MYO18B: variants seen among roughly 807,000 people sequenced by gnomAD.
The protein encoded by MYO18B is unconventional myosin-XVIIIb.
A neutral mutation model predicts 273.0 loss-of-function variants in MYO18B; 204 were observed. That is an observed-to-expected ratio of 0.75 (90% CI 0.67 to 0.84). The LOEUF (loss-of-function observed/expected upper bound fraction) is 0.84, where lower values mean the gene tolerates loss of function less well. Ranked by LOEUF, MYO18B falls within the 40% of genes least tolerant of loss-of-function variation. MYO18B has a pLI of 0.00. For synonymous variants in MYO18B, 1,330 were observed against 1,305.7 expected (o/e 1.02, Z -0.40); for missense variants, 3,212 against 3,287.6 (o/e 0.98, Z 0.56).
At chr22:25,950,702 G>A (rs961682208) in intron 37 of MYO18B, among the ~76,000 whole-genome samples, 9 of 152,094 alleles carry the variant, frequency 5.9e-5, no homozygotes, top group Non-Finnish European at 1.3e-4. Context: ...CTCCCAAGTA[G>A]CTGGGATTAC....
In MYO18B at chr22:25,947,789, G is replaced by A; in HGVS notation, c.5709G>A (p.Leu1903=). ...LKRIDEDQDD[L]NELMQKHKDL... Reference sequence around the variant, plus strand: ...GCATCGATGAGGACCAGGATGACCTGAATGAGCTGATGCAGAAGCACAAGG... The same window carrying A: ...GCATCGATGAGGACCAGGATGACCTAAATGAGCTGATGCAGAAGCACAAGG... Residue 1903 remains leucine, a synonymous_variant, in exon 36 of 44, where the codon CTG becomes CTA. Transcript: ENST00000335473. 2 of 1,613,920 alleles carry A rather than the reference G, an allele frequency of 1.2e-6. No individual in the cohort carries two copies. The highest frequency in any genetic ancestry group is 1.7e-6 in the Non-Finnish European group (2 of 1,179,876).
At chr22:25,806,050 T>C (rs2088459708) in intron 12 of MYO18B, among the ~76,000 whole-genome samples, 1 of 152,198 alleles carries the variant, frequency 6.6e-6, no homozygotes, top group South Asian at 2.1e-4. Flanking sequence ...TCTTGTCTGA[T>C]TCTGCTCATC....
intron 12 of MYO18B, among the ~76,000 whole-genome samples, chr22:25,801,988 A>C (rs1375658098): frequency 1.3e-5 from 2 of 152,136 alleles, no homozygotes; most frequent in Non-Finnish European, 2.9e-5. Flanking sequence ...GCAGGCCTAC[A>C]ATTCACCTCA....
intron 21 of MYO18B, among the ~76,000 whole-genome samples, chr22:25,857,802 C>T (rs60640813): frequency 0.07 from 10,650 of 152,214 alleles, 407 homozygotes; most frequent in Middle Eastern, 0.14. Flanking sequence ...TACAGGCATG[C>T]GCCACCACGC....
At chr22:25,781,260 G>A (rs193041107) in intron 9 of MYO18B, among the ~76,000 whole-genome samples, 2 of 152,240 alleles carry the variant, frequency 1.3e-5, no homozygotes, top group East Asian at 1.9e-4. Flanking sequence ...GGATTGAGAA[G>A]TTCTGACGTG....
intron 34 of MYO18B, among the ~76,000 whole-genome samples, chr22:25,943,858 T>TACA (rs2092674435): frequency 6.6e-6 from 1 of 151,976 alleles, no homozygotes; most frequent in Admixed American, 6.6e-5. Context: ...TAGCTGGGAT[T>TACA]ACAGGTATGT....
intron 34 of MYO18B, among the ~76,000 whole-genome samples, chr22:25,926,937 C>T (rs1372105483): frequency 6.6e-6 from 1 of 152,170 alleles, no homozygotes; most frequent in Non-Finnish European, 1.5e-5. Context: ...TTATGCCTGT[C>T]TTTATTGCAG....
intron 5 of MYO18B, among the ~76,000 whole-genome samples, chr22:25,770,421 T>C (rs2086676237): frequency 6.6e-6 from 1 of 152,226 alleles, no homozygotes; most frequent in Non-Finnish European, 1.5e-5. Context: ...CTGGTACAAG[T>C]GGGCCAATAG....
Position 25,883,546 on chromosome 22 carries a change from C to T in MYO18B, c.4314+5498C>T, listed in dbSNP as rs1377655629. On this transcript the variant is annotated intron_variant, in intron 25 of 43. Coordinates refer to ENST00000335473, the MANE Select transcript of MYO18B (RefSeq NM_032608.7). This position sits in a 1 kb window ranked among gnomAD's most constrained non-coding sequence, Gnocchi z 7.6. ...GACCACACTTTGAGACACATTAGGC[C>T]AGAGAACAGCTAGAAGATATCTTCT... 1.3e-5 allele frequency: 2 copies of T among 152,180 alleles called. No homozygotes were observed. Among genetic ancestry groups the T allele is most frequent in the Non-Finnish European group, 2.9e-5 (2 of 68,058 alleles). The allele number at this position is 152,180 out of a possible 1,614,324, so 9.4% of individuals were successfully genotyped here.
intron 39 of MYO18B, among the ~76,000 whole-genome samples, chr22:25,963,180 A>ACC (rs2092938493): frequency 1.4e-5 from 1 of 71,880 alleles, no homozygotes; most frequent in African/African-American, 4.5e-5. Flanking sequence ...TCTCTCTCTC[A>ACC]CACACACACA....
At chr22:25,753,218 C>G (rs1291129761) in intron 1 of MYO18B, among the ~76,000 whole-genome samples, 1 of 132,602 alleles carries the variant, frequency 7.5e-6, no homozygotes, top group Non-Finnish European at 1.6e-5. Context: ...AGCTGGCCTC[C>G]CGGTCGGCAG....
intron 21 of MYO18B, among the ~76,000 whole-genome samples, chr22:25,864,063 G>A (rs564617143): frequency 2.0e-4 from 30 of 152,284 alleles, no homozygotes; most frequent in African/African-American, 5.3e-4. Flanking sequence ...CCCAGGTGTG[G>A]GTTTTTTCCA....
At chr22:25,981,778 A>G (rs2093151195) in intron 39 of MYO18B, among the ~76,000 whole-genome samples, 1 of 152,190 alleles carries the variant, frequency 6.6e-6, no homozygotes, top group Non-Finnish European at 1.5e-5. Flanking sequence ...TAATAAAAAG[A>G]CATTTGGCTT....
At chr22:26,021,859 C>G (rs1223072749) in intron 42 of MYO18B, among the ~76,000 whole-genome samples, 1 of 152,210 alleles carries the variant, frequency 6.6e-6, no homozygotes, top group African/African-American at 2.4e-5. Context: ...TTCCTGGTAT[C>G]CAGCACAGCA....
chr22:25,843,287 CTAAA>C (rs2090138837), intron 17 of MYO18B, among the ~76,000 whole-genome samples: 1 of 152,126 alleles, frequency 6.6e-6, no homozygotes, highest in South Asian at 2.1e-4. Context: ...CGGCATAAAA[CTAAA>C]TATTTTAAAA....
intron 39 of MYO18B, among the ~76,000 whole-genome samples, chr22:25,965,800 CTTGCAAAA>C (rs1422200459): frequency 1.3e-5 from 2 of 152,176 alleles, no homozygotes; most frequent in African/African-American, 2.4e-5. Flanking sequence ...TGACAACTGG[CTTGCAAAA>C]TTCCCTAAAA....
chr22:25,853,649 G>A (rs118158064), intron 21 of MYO18B, among the ~76,000 whole-genome samples: 5,762 of 152,228 alleles, frequency 0.038, 150 homozygotes, highest in East Asian at 0.11. Context: ...TGGTGCAGGA[G>A]TCAGGTGTGG....
chr22:25,752,188 AT>A (rs10562664), intron 1 of MYO18B, among the ~76,000 whole-genome samples: 29,670 of 136,844 alleles, frequency 0.22, 2,447 homozygotes, highest in East Asian at 0.36. Context: ...ATTTTAATTA[AT>A]TTTTTTTTTT....
intron 40 of MYO18B, among the ~76,000 whole-genome samples, chr22:25,999,673 C>A (rs1392246693): frequency 1.3e-5 from 2 of 150,670 alleles, no homozygotes; most frequent in Non-Finnish European, 3.0e-5. Context: ...CCTTCTCCAT[C>A]TTCTTCTCCT....
Sources: gnomAD v4.1 joint callset for allele counts (sites outside exome capture counted in the v4.1 genomes callset) on GRCh38, gnomAD v4.1.1 for gene constraint, Gnocchi (gnomAD v3.1) non-coding constraint, MANE v1.5 for transcripts, NCBI Gene and HGNC (gene_info 2026-07-23, HGNC 2026-07-21) for gene names.